LEF1: variants seen among roughly 807,000 people sequenced by gnomAD.
The protein encoded by LEF1 is lymphoid enhancer binding factor 1.
Under a neutral mutation model 51.2 loss-of-function variants are expected in LEF1, and 14 were observed. That is an observed-to-expected ratio of 0.27 (90% CI 0.18 to 0.43). The LOEUF is 0.43. Among genes scored for constraint, LEF1 ranks in the 20% least tolerant of loss-of-function variants. LEF1 has a pLI of 1.00. For missense variants in LEF1, 386 were observed against 512.0 expected (o/e 0.75, Z 2.37); for synonymous variants, 185 against 183.2 (o/e 1.01, Z -0.08).
At chr4:108,134,032 C>A (rs1326285016) in intron 3 of LEF1, among the ~76,000 whole-genome samples, 4 of 152,078 alleles carry the variant, frequency 2.6e-5, no homozygotes, top group Non-Finnish European at 5.9e-5. Context: ...CCAGTGGGGT[C>A]CAGGGAAGCA....
intron 9 of LEF1, 151 bp from the exon 10 acceptor site, chr4:108,064,535 A>C: frequency 1.7e-6 from 1 of 604,202 alleles, no homozygotes; most frequent in Non-Finnish European, 2.9e-6. Context: ...AAACAAAGTC[A>C]GAAAGCAAGA....
chr4:108,160,848 G>A (rs1745014592), intron 3 of LEF1, among the ~76,000 whole-genome samples: 1 of 152,180 alleles, frequency 6.6e-6, no homozygotes, highest in Non-Finnish European at 1.5e-5. Flanking sequence ...TGGATTGTCT[G>A]CAGTTAGATA....
At chr4:108,113,282 C>G (rs1741637845) in intron 3 of LEF1, among the ~76,000 whole-genome samples, 1 of 152,122 alleles carries the variant, frequency 6.6e-6, no homozygotes, top group Non-Finnish European at 1.5e-5. Context: ...TAGAAGAGCT[C>G]CAGAGCACTA....
At chr4:108,099,603 T>A (rs1578342182) in intron 3 of LEF1, among the ~76,000 whole-genome samples, 10 of 116,444 alleles carry the variant, frequency 8.6e-5, no homozygotes, top group South Asian at 2.6e-4. Context: ...TATATATATA[T>A]ATATATATAT....
At chr4:108,081,718 C>T (rs768240491) in intron 5 of LEF1, 49 bp from the exon 6 acceptor site, 51 of 1,350,402 alleles carry the variant, frequency 3.8e-5, no homozygotes, top group Non-Finnish European at 5.1e-5. Flanking sequence ...CACCAGTTAC[C>T]AACCAGTAGT....
At chr4:108,125,522 C>T (rs1439456959) in intron 3 of LEF1, among the ~76,000 whole-genome samples, 1 of 152,086 alleles carries the variant, frequency 6.6e-6, no homozygotes, top group Non-Finnish European at 1.5e-5. Context: ...CTTCCACATG[C>T]TATCATTTTC....
At chr4:108,062,358 T>C (rs1262270249) in intron 11 of LEF1, among the ~76,000 whole-genome samples, 1 of 152,132 alleles carries the variant, frequency 6.6e-6, no homozygotes, top group African/African-American at 2.4e-5. Context: ...CAGTCCTCTG[T>C]AGAGGAAATG....
intron 3 of LEF1, among the ~76,000 whole-genome samples, chr4:108,152,370 T>C (rs566330561): frequency 6.6e-6 from 1 of 152,270 alleles, no homozygotes; most frequent in Admixed American, 6.5e-5. Context: ...GGGAGATGGT[T>C]CCAGGGTGTG....
intron 3 of LEF1, among the ~76,000 whole-genome samples, chr4:108,108,623 G>T (rs981979305): frequency 5.9e-5 from 9 of 152,156 alleles, no homozygotes; most frequent in African/African-American, 2.2e-4. Flanking sequence ...ACATGCAAGT[G>T]CTGCAGTCCC....
At chr4:108,095,737 C>A (rs1392957149) in intron 3 of LEF1, among the ~76,000 whole-genome samples, 1 of 152,158 alleles carries the variant, frequency 6.6e-6, no homozygotes, top group African/African-American at 2.4e-5. Context: ...GTCATTTAAT[C>A]CTAAAGCCAT....
At chr4:108,149,808 A>T (rs1744255794) in intron 3 of LEF1, among the ~76,000 whole-genome samples, 1 of 151,996 alleles carries the variant, frequency 6.6e-6, no homozygotes, top group Admixed American at 6.5e-5. Flanking sequence ...CGTTTGTATT[A>T]CAGGTATAGA....
chr4:108,164,231 T>C (rs78934491), intron 2 of LEF1, among the ~76,000 whole-genome samples: 18,679 of 152,098 alleles, frequency 0.12, 1,499 homozygotes, highest in Non-Finnish European at 0.17. Context: ...TTATAAAGGA[T>C]TAACTCTGGG....
At chr4:108,147,002 C>T (rs1744034727) in intron 3 of LEF1, among the ~76,000 whole-genome samples, 2 of 152,082 alleles carry the variant, frequency 1.3e-5, no homozygotes, top group South Asian at 2.1e-4. Context: ...CAGTGGGGTG[C>T]GGTGGCTCAT....
intron 3 of LEF1, among the ~76,000 whole-genome samples, chr4:108,103,192 G>A (rs1740937776): frequency 6.6e-6 from 1 of 152,190 alleles, no homozygotes; most frequent in African/African-American, 2.4e-5. Flanking sequence ...GCATCACTAT[G>A]GAACCTTCGC....
intron 8 of LEF1, chr4:108,072,941 G>A (rs1738587086): frequency 6.6e-6 from 1 of 152,256 alleles, no homozygotes; most frequent in Admixed American, 6.5e-5. Context: ...AAGAGACAGG[G>A]TTTCGCTGTG....
At chr4:108,134,526 G>A (rs934415815) in intron 3 of LEF1, among the ~76,000 whole-genome samples, 3 of 152,226 alleles carry the variant, frequency 2.0e-5, no homozygotes, top group Non-Finnish European at 4.4e-5. Context: ...TCCTAGAAAA[G>A]AGGAGACTGG....
chr4:108,061,333 T>A (rs1737679996), intron 11 of LEF1, among the ~76,000 whole-genome samples: 1 of 152,190 alleles, frequency 6.6e-6, no homozygotes. Flanking sequence ...CAGCTGTGAC[T>A]TGCTAGAAAA....
At chr4:108,088,355 C>A (rs560376828) in intron 4 of LEF1, among the ~76,000 whole-genome samples, 97 of 152,216 alleles carry the variant, frequency 6.4e-4, no homozygotes, top group African/African-American at 2.3e-3. Context: ...TTTCAAAGAC[C>A]CTGTTGAAGT....
chr4:108,096,625 A>C (rs1230757062), intron 3 of LEF1, among the ~76,000 whole-genome samples: 3 of 152,176 alleles, frequency 2.0e-5, no homozygotes, highest in Non-Finnish European at 4.4e-5. Context: ...TGGAGAGCAA[A>C]GGAAATAGTC....
Sources: gnomAD v4.1 joint callset for allele counts (sites outside exome capture counted in the v4.1 genomes callset) on GRCh38, gnomAD v4.1.1 for gene constraint, MANE v1.5 for transcripts, NCBI Gene and HGNC (gene_info 2026-07-23, HGNC 2026-07-21) for gene names.